The following CETP variants were observed in gnomAD, a reference collection of about 807,000 sequenced individuals.
CETP encodes cholesteryl ester transfer protein.
Under a neutral mutation model 66.5 loss-of-function variants are expected in CETP, and 56 were observed. That is an observed-to-expected ratio of 0.84 (90% CI 0.68 to 1.05). CETP has a LOEUF of 1.05. CETP is among the 50% of genes least tolerant of loss of function. The pLI, the probability that CETP is intolerant of heterozygous loss-of-function variation, is 0.00. For synonymous variants in CETP, 251 were observed against 245.7 expected (o/e 1.02, Z -0.20); for missense variants, 612 against 609.6 (o/e 1.00, Z -0.04).
At position 56,983,749 on chromosome 16, in the gene CETP, C is replaced by T. The variant is rs1157001755; in HGVS notation, c.*83C>T. 9.0e-6 allele frequency: 12 copies of T among 1,339,048 alleles called. No homozygotes were observed. The highest frequency in any genetic ancestry group is 1.7e-5 in the Admixed American group (1 of 59,586). 82.9% of individuals were successfully genotyped at this position (1,339,048 alleles called of 1,614,324 possible). A position where few individuals can be genotyped will look rare whatever the true frequency, so the allele number is the denominator to read the frequency against. The stretch of plus-strand genomic sequence containing the variant: ...GCTGGAACCCTGGTGTCTCCTCCAG[C>T]GTGGTGGAAGTTGGGTTAGGAGTAC... On this transcript the variant is annotated 3_prime_UTR_variant, in exon 16 of 16. Transcript: ENST00000200676.
At chr16:56,964,008 T>G (rs1249734804) in intron 2 of CETP, among the ~76,000 whole-genome samples, 1 of 91,572 alleles carries the variant, frequency 1.1e-5, no homozygotes, top group African/African-American at 4.7e-5. Context: ...ATTTATTTAT[T>G]TATTTATTTA....
At chr16:56,963,742 T>C (rs2056043107) in intron 2 of CETP, among the ~76,000 whole-genome samples, 1 of 152,124 alleles carries the variant, frequency 6.6e-6, no homozygotes, top group Non-Finnish European at 1.5e-5. Context: ...CAATCTCAGC[T>C]CGTTGCAACC....
chr16:56,963,186 C>A, intron 2 of CETP, 62 bp downstream of exon 2: 1 of 1,364,582 alleles, frequency 7.3e-7, no homozygotes, highest in Non-Finnish European at 1.0e-6. Flanking sequence ...CAGCCTGGGG[C>A]TTGCCCCCAG....
Position 56,972,072 on chromosome 16 carries a change from T to TC in CETP, c.742dup (p.His248ProfsTer37). ...CGTCATCACAGCCTCCTACCTGGAG[T>TC]CCCATCACAAGGTAGGAGTTGTGGG... On this transcript the variant is annotated frameshift_variant, in exon 8 of 16. Transcript: ENST00000200676. LOFTEE classifies it high-confidence loss of function. The TC allele has an allele frequency of 1.2e-6, 2 of 1,612,986 alleles. No homozygotes were observed. The highest frequency in any genetic ancestry group is 1.7e-5 in the Admixed American group (1 of 59,980).
Position 56,978,099 on chromosome 16 carries a change from C to T in CETP, c.990C>T (p.Gly330=), listed in dbSNP as rs376644256. The T allele has an allele frequency of 4.6e-5, 74 of 1,613,974 alleles. No individual in the cohort carries two copies. Among genetic ancestry groups the T allele is most frequent in the Non-Finnish European group, 5.8e-5 (69 of 1,179,986 alleles). ...TNQEIFQEVV[G]GFPSQAQVTV... ...ACCCCTGTCTTCCACAGGTTGTCGG[C>T]GGCTTCCCCAGCCAGGCCCAAGTCA... The change falls in exon 11 of 16, where the codon GGC becomes GGT. Residue 330 remains glycine (G), a synonymous_variant. Coordinates refer to ENST00000200676, the MANE Select transcript of CETP (RefSeq NM_000078.3).
intron 10 of CETP, 42 bp downstream of exon 10, chr16:56,975,193 C>T (rs368678753): frequency 2.5e-6 from 4 of 1,579,768 alleles, no homozygotes; most frequent in Admixed American, 3.3e-5. Context: ...TCTCACGTAC[C>T]CCAATCCTGC....
intron 9 of CETP, among the ~76,000 whole-genome samples, chr16:56,974,079 C>T (rs541910236): frequency 1.4e-4 from 21 of 152,168 alleles, no homozygotes; most frequent in Non-Finnish European, 3.1e-4. Context: ...GGTTTCGGGT[C>T]TGGTTCCTTG....
intron 7 of CETP, 21 bp from the exon 8 acceptor site, chr16:56,971,971 G>A (rs374409989): frequency 2.3e-4 from 364 of 1,609,666 alleles, no homozygotes; most frequent in African/African-American, 2.1e-3. Context: ...GAGGCCCTGC[G>A]TTGATCTTTT....
chr16:56,964,702 C>G (rs1757350743), intron 2 of CETP, among the ~76,000 whole-genome samples: 1 of 152,236 alleles, frequency 6.6e-6, no homozygotes, highest in Admixed American at 6.5e-5. Context: ...TTCTGAGCCA[C>G]CAGGGGGCGC....
chr16:56,981,086 C>T, intron 11 of CETP, 72 bp from the exon 12 acceptor site: 1 of 1,109,096 alleles, frequency 9.0e-7, no homozygotes, highest in Non-Finnish European at 1.4e-6. Context: ...AATCAGGGGC[C>T]CTGAGCTAGG....
At chr16:56,962,368 T>G (rs1183548380) in intron 1 of CETP, 1 of 684,032 alleles carries the variant, frequency 1.5e-6, no homozygotes, top group Non-Finnish European at 2.7e-6. Context: ...CCAGAATCAC[T>G]GGGGTTCGAG....
chr16:56,963,763 G>A (rs2056043555), intron 2 of CETP, among the ~76,000 whole-genome samples: 1 of 151,942 alleles, frequency 6.6e-6, no homozygotes, highest in African/African-American at 2.4e-5. Context: ...TCCGTCTCTG[G>A]GTTCAAGGAA....
At chr16:56,966,652 T>C (rs1338561667) in intron 2 of CETP, among the ~76,000 whole-genome samples, 5 of 151,934 alleles carry the variant, frequency 3.3e-5, no homozygotes, top group African/African-American at 1.2e-4. Context: ...CAGGCTGGAG[T>C]GCAATGGCAC....
Position 56,969,489 on chromosome 16 carries a change from A to T in CETP, c.337A>T (p.Thr113Ser), listed in dbSNP as rs921684117. The T allele has an allele frequency of 1.5e-5, 24 of 1,613,942 alleles. No homozygotes were observed. Among genetic ancestry groups the T allele is most frequent in the Non-Finnish European group, 1.9e-5 (23 of 1,180,014 alleles). Residue 113 changes from threonine (T) to serine (S), a missense_variant, in exon 3 of 16, where the codon ACC becomes TCC. Transcript: ENST00000200676. ...GAACGTGTCTGTGGTCTTCAAGGGG[A>T]CCCTGAAGTATGGCTACACCACTGC... ...IQNVSVVFKG[T>S]LKYGYTTAWW...
chr16:56,976,683 T>C (rs1394993167), intron 10 of CETP, among the ~76,000 whole-genome samples: 1 of 152,094 alleles, frequency 6.6e-6, no homozygotes, highest in Non-Finnish European at 1.5e-5. Context: ...CCATCCCTAT[T>C]TTCTCCATGC....
chr16:56,975,558 C>A (rs931677013), intron 10 of CETP, among the ~76,000 whole-genome samples: 23 of 152,200 alleles, frequency 1.5e-4, no homozygotes, highest in African/African-American at 5.6e-4. Context: ...TACTCCTGAT[C>A]CCAAAGCTGA....
intron 11 of CETP, among the ~76,000 whole-genome samples, chr16:56,980,093 G>A (rs1450900925): frequency 2.0e-5 from 3 of 152,174 alleles, no homozygotes; most frequent in African/African-American, 7.2e-5. Flanking sequence ...ATGCTACAGT[G>A]TCATAGCGGA....
intron 14 of CETP, among the ~76,000 whole-genome samples, chr16:56,982,741 G>C (rs553795392): frequency 6.6e-6 from 1 of 152,344 alleles, no homozygotes; most frequent in African/African-American, 2.4e-5. Context: ...ACCAGGCTCT[G>C]CTGAGAGCTT....
chr16:56,962,289 G>A (rs1258199162), intron 1 of CETP, 192 bp downstream of exon 1: 6 of 742,318 alleles, frequency 8.1e-6, no homozygotes, highest in Middle Eastern at 2.3e-4. Flanking sequence ...TCAAGGTCAA[G>A]TTCTTTGGTG....
Sources: gnomAD v4.1 joint callset for allele counts (sites outside exome capture counted in the v4.1 genomes callset) on GRCh38, gnomAD v4.1.1 for gene constraint, MANE v1.5 for transcripts, NCBI Gene and HGNC (gene_info 2026-07-23, HGNC 2026-07-21) for gene names.